Variants in ZNF676 observed in about 807,000 individuals in gnomAD.
ZNF676 encodes zinc finger protein 676.
Under a neutral mutation model 6.0 loss-of-function variants are expected in ZNF676, and 4 were observed. The ratio of observed to expected loss-of-function variants is 0.67; its 90% CI spans 0.33 to 1.53. The LOEUF (loss-of-function observed/expected upper bound fraction) is 1.53, where lower values mean the gene tolerates loss of function less well. ZNF676 is among the 40% of genes most tolerant of loss of function. The pLI, the probability that ZNF676 is intolerant of heterozygous loss-of-function variation, is 0.06. For synonymous variants in ZNF676, 198 were observed against 223.1 expected (o/e 0.89, Z 1.00); for missense variants, 644 against 679.7 (o/e 0.95, Z 0.58).
the ZNF676 span, among the ~76,000 whole-genome samples, chr19:22,229,387 A>G: frequency 1.3e-5 from 2 of 152,188 alleles, no homozygotes; most frequent in Admixed American, 1.3e-4. Flanking sequence ...AACACCCCAA[A>G]CCATAAAAAC....
the ZNF676 span, among the ~76,000 whole-genome samples, chr19:22,249,326 G>A: frequency 6.6e-6 from 1 of 152,060 alleles, no homozygotes; most frequent in Non-Finnish European, 1.5e-5. Flanking sequence ...AGTTTTGGAA[G>A]GTTTGTAAAA....
At chr19:22,243,317 CT>C in the ZNF676 span, 1 of 151,870 alleles carries the variant, frequency 6.6e-6, no homozygotes, top group Non-Finnish European at 1.5e-5. Context: ...GTCTGTTAGC[CT>C]AGTGACATGT....
At chr19:22,196,571 T>C in intron 1 of ZNF676, 29 bp downstream of exon 1, 2 of 1,613,514 alleles carry the variant, frequency 1.2e-6, no homozygotes, top group Non-Finnish European at 1.7e-6. Context: ...TAGTATATAC[T>C]AGGAATTGCG....
the ZNF676 span, among the ~76,000 whole-genome samples, chr19:22,241,617 GTC>G: frequency 2.0e-5 from 3 of 151,040 alleles, no homozygotes; most frequent in African/African-American, 7.3e-5. Flanking sequence ...TGTGAGGACG[GTC>G]TCTCTATCAA....
At chr19:22,200,335 A>G (rs145590215), upstream of ZNF676, among the ~76,000 whole-genome samples, 1,725 of 152,178 alleles carry the variant, frequency 0.011, 21 homozygotes, top group Non-Finnish European at 0.019. Context: ...TCTTCCAATT[A>G]TAAGTTCAGG....
chr19:22,248,664 TTC>T, the ZNF676 span, among the ~76,000 whole-genome samples: 1 of 152,158 alleles, frequency 6.6e-6, no homozygotes, highest in East Asian at 1.9e-4. Flanking sequence ...TTTTCTTTCC[TTC>T]TCTCCTCTTT....
At chr19:22,242,893 A>G in the ZNF676 span, among the ~76,000 whole-genome samples, 2 of 151,986 alleles carry the variant, frequency 1.3e-5, no homozygotes, top group East Asian at 3.9e-4. Context: ...CTGCTGAGCT[A>G]AACAATGCAT....
chr19:22,223,616 G>A, the ZNF676 span, among the ~76,000 whole-genome samples: 1 of 151,234 alleles, frequency 6.6e-6, no homozygotes, highest in Non-Finnish European at 1.5e-5. Context: ...CAGACATTTA[G>A]GATAATATGT....
chr19:22,196,920 T>C lies in ZNF676; in HGVS notation c.-287A>G. ...CTCTAACTCTGAGAAAAGAAAGTGG[T>C]ATAAGATCCATAACATCTGTGTATA... On this transcript the variant is annotated 5_prime_UTR_variant, in exon 1 of 3. It adds an upstream start codon to the 5' untranslated region. Coordinates refer to ENST00000397121, the MANE Select transcript of ZNF676 (RefSeq NM_001001411.3). 1.7e-6 allele frequency: 1 copy of C among 592,284 alleles called. No homozygotes were observed. The highest frequency in any genetic ancestry group is 2.9e-6 in the Non-Finnish European group (1 of 343,176). 36.7% of individuals were successfully genotyped at this position (592,284 alleles called of 1,614,324 possible).
At chr19:22,202,910 CG>C (rs1289978051) in intron 1 of ZNF676, among the ~76,000 whole-genome samples, 1 of 152,120 alleles carries the variant, frequency 6.6e-6, no homozygotes, top group Non-Finnish European at 1.5e-5. Context: ...AGTGTTGATT[CG>C]GGTGCTATCT....
upstream of ZNF676, among the ~76,000 whole-genome samples, chr19:22,200,956 G>A (rs1237442849): frequency 1.3e-5 from 2 of 151,982 alleles, no homozygotes; most frequent in African/African-American, 4.8e-5. Flanking sequence ...GATCTGTTCT[G>A]GACATTCTCA....
At position 22,179,808 on chromosome 19, in the gene ZNF676, T is replaced by G; in HGVS notation, c.*142A>C. The G allele has an allele frequency of 1.0e-6, 1 of 1,004,654 alleles. No individual in the cohort carries two copies. The highest frequency in any genetic ancestry group is 1.5e-6 in the Non-Finnish European group (1 of 649,552). The allele number at this position is 1,004,654 out of a possible 1,614,324, so 62.2% of individuals were successfully genotyped here. A position where few individuals can be genotyped will look rare whatever the true frequency, so the allele number is the denominator to read the frequency against. On this transcript the variant is annotated 3_prime_UTR_variant, in exon 3 of 3. Coordinates refer to ENST00000397121, the MANE Select transcript of ZNF676 (RefSeq NM_001001411.3). Reference sequence around the variant, plus strand: ...TGTAGTGTTTCTCTCCAGCATGAATTTTCTTATGTGTAATAAAGATTGAGG... The same window carrying G: ...TGTAGTGTTTCTCTCCAGCATGAATGTTCTTATGTGTAATAAAGATTGAGG...
chr19:22,246,332 G>A, the ZNF676 span, among the ~76,000 whole-genome samples: 2 of 151,910 alleles, frequency 1.3e-5, no homozygotes, highest in East Asian at 3.9e-4. Flanking sequence ...TGGGTCCAGT[G>A]ATACATTAGA....
At chr19:22,213,919 C>G (rs1041673310) in intron 1 of ZNF676, among the ~76,000 whole-genome samples, 4 of 152,092 alleles carry the variant, frequency 2.6e-5, no homozygotes, top group Non-Finnish European at 5.9e-5. Context: ...AAAGGGAAAC[C>G]CTGACCCAAA....
At chr19:22,228,703 C>T in the ZNF676 span, among the ~76,000 whole-genome samples, 3 of 152,266 alleles carry the variant, frequency 2.0e-5, no homozygotes, top group African/African-American at 7.2e-5. Flanking sequence ...CATTCCTATA[C>T]ACCAATAACA....
chr19:22,202,065 G>A (rs1223861936), intron 1 of ZNF676, among the ~76,000 whole-genome samples: 1 of 151,668 alleles, frequency 6.6e-6, no homozygotes, highest in African/African-American at 2.4e-5. Context: ...CAATTCTCAA[G>A]ACCTAGATTT....
the ZNF676 span, chr19:22,244,054 T>C: frequency 2.0e-5 from 3 of 151,120 alleles, no homozygotes; most frequent in Non-Finnish European, 4.4e-5. Flanking sequence ...TTTTTTTTTT[T>C]TTGAGAGGGA....
Position 22,179,627 on chromosome 19 carries a change from C to T in ZNF676, c.*323G>A. ...GTTTTTCACATTTGTAGGGCTTTTC[C>T]TCCAGTATGAATTCTTTTATGAGTA... On this transcript the variant is annotated 3_prime_UTR_variant, in exon 3 of 3. Transcript: ENST00000397121. 2 of 481,152 alleles carry T rather than the reference C, an allele frequency of 4.2e-6. No individual in the cohort carries two copies. Among genetic ancestry groups the T allele is most frequent in the Non-Finnish European group, 3.9e-6 (1 of 254,190 alleles). 29.8% of individuals were successfully genotyped at this position (481,152 alleles called of 1,614,324 possible).
the ZNF676 span, among the ~76,000 whole-genome samples, chr19:22,234,118 T>A: frequency 9.7e-4 from 148 of 152,336 alleles, no homozygotes; most frequent in African/African-American, 3.5e-3. Flanking sequence ...CTGCTCAAAA[T>A]TCTGCCCACT....
Sources: gnomAD v4.1 joint callset for allele counts (sites outside exome capture counted in the v4.1 genomes callset) on GRCh38, gnomAD v4.1.1 for gene constraint, MANE v1.5 for transcripts, NCBI Gene and HGNC (gene_info 2026-07-23, HGNC 2026-07-21) for gene names.